IGFN1: variants seen among roughly 807,000 people sequenced by gnomAD.
The protein encoded by IGFN1 is immunoglobulin-like and fibronectin type III domain-containing protein 1.
IGFN1 carries 253 observed loss-of-function variants against 289.5 expected under a neutral mutation model. That is an observed-to-expected ratio of 0.87 (90% CI 0.79 to 0.97). The LOEUF (loss-of-function observed/expected upper bound fraction) is 0.97, where lower values mean the gene tolerates loss of function less well. IGFN1 is among the 50% of genes least tolerant of loss of function. IGFN1 has a pLI of 0.00. For missense variants in IGFN1, 4,470 were observed against 4,686.1 expected (o/e 0.95, Z 1.35); for synonymous variants, 1,706 against 1,788.5 (o/e 0.95, Z 1.16).
In IGFN1 at chr1:201,215,583, C is replaced by T. The variant is rs1428213976; in HGVS notation, c.9040C>T (p.Pro3014Ser). The change falls in exon 15 of 24, where the codon CCA (proline) becomes TCA (serine). Residue 3014 changes from proline (P) to serine (S), a missense_variant. Coordinates refer to ENST00000335211, the MANE Select transcript of IGFN1 (RefSeq NM_001164586.2). ...AGATGTGACAGAGAAACTGAGAGAGCCACTGGTGGTCAAGGCTGGGAAGCC... is the reference window on the plus strand; with the variant it reads ...AGATGTGACAGAGAAACTGAGAGAGTCACTGGTGGTCAAGGCTGGGAAGCC... ...APDVTEKLREPLVVKAGKPVI... is the reference protein window; with the variant it reads ...APDVTEKLRESLVVKAGKPVI... 37 of 1,607,802 alleles carry T rather than the reference C, an allele frequency of 2.3e-5. No homozygotes were observed. Among genetic ancestry groups the T allele is most frequent in the Non-Finnish European group, 3.1e-5 (37 of 1,177,244 alleles).
In IGFN1 at chr1:201,207,238, G is replaced by C. The variant is rs1281507484; in HGVS notation, c.2345G>C (p.Arg782Thr). 6.5e-7 allele frequency: 1 copy of C among 1,536,850 alleles called. No individual in the cohort carries two copies. The highest frequency in any genetic ancestry group is 8.7e-7 in the Non-Finnish European group (1 of 1,146,886). The stretch of plus-strand genomic sequence containing the variant: ...GGCCCTGGAGGCCCAGGAGACCCCA[G>C]AGGCTGCGAAGGTGTCCTACAGGAG... The part of the protein sequence containing the change: ...KTGPGGPGDP[R>T]GCEGVLQELR... The change falls in exon 12 of 24, where the codon AGA (arginine) becomes ACA (threonine). Residue 782 changes from arginine (R) to threonine (T), a missense_variant. This residue lies in a region of IGFN1 where 2,011 missense variants were observed against 1,953.4 expected (regional missense o/e 1.03). Transcript: ENST00000335211.
chr1:201,226,136 T>C lies in IGFN1; in HGVS notation c.10786+13T>C. On this transcript the variant is annotated intron_variant, in intron 22 of 23. Transcript: ENST00000335211. Reference sequence around the variant, plus strand: ...CCCCGGCAGCGCGGTAAGCAGCCCCTGAGAGGGAGGAGCAGGCAGGGTGGG... The same window carrying C: ...CCCCGGCAGCGCGGTAAGCAGCCCCCGAGAGGGAGGAGCAGGCAGGGTGGG... 1.3e-6 allele frequency: 2 copies of C among 1,567,954 alleles called. No homozygotes were observed. The highest frequency in any genetic ancestry group is 1.7e-6 in the Non-Finnish European group (2 of 1,156,226).
chr1:201,200,364 C>G lies in IGFN1; in HGVS notation c.586C>G (p.Arg196Gly). 1.3e-6 allele frequency: 2 copies of G among 1,551,764 alleles called. No homozygotes were observed. Among genetic ancestry groups the G allele is most frequent in the Non-Finnish European group, 1.7e-6 (2 of 1,147,006 alleles). The change falls in exon 8 of 24, where the codon CGC becomes GGC. Residue 196 changes from arginine to glycine, a missense_variant. By Grantham distance (125) the Arg-to-Gly change is moderately radical. Around this residue, in one of 8 missense-constraint regions of IGFN1, gnomAD observed 2,011 missense variants for 1,953.4 expected, o/e 1.03. Transcript: ENST00000335211. ...CATCGTCGACTACCGTGGCATGTTG[C>G]GCAGGCTGCAGGAGATGAAGAAGGA... ...YGIVDYRGML[R>G]RLQEMKKEQE... is the part of the protein sequence containing the mutation.
rs771595881 is a variant in IGFN1 at position 201,221,440 on chromosome 1, G to T, written c.9899-4G>T. ...ATTCCTGACTCTCCCATGGTGCCTGGCAGGACCCCCTGGGCTGGTGAGGAA... is the reference window on the plus strand; with the variant it reads ...ATTCCTGACTCTCCCATGGTGCCTGTCAGGACCCCCTGGGCTGGTGAGGAA... On this transcript the variant is annotated splice_polypyrimidine_tract_variant and splice_region_variant and intron_variant, in intron 18 of 23. Coordinates refer to ENST00000335211, the MANE Select transcript of IGFN1 (RefSeq NM_001164586.2). The T allele has an allele frequency of 1.9e-6, 3 of 1,561,444 alleles. No individual in the cohort carries two copies. In the East Asian group the frequency reaches 6.8e-5, roughly 36 times the overall value.
Position 201,206,705 on chromosome 1 carries a change from G to T in IGFN1, c.1812G>T (p.Gly604=). 2 of 1,536,944 alleles carry T rather than the reference G, an allele frequency of 1.3e-6. No individual in the cohort carries two copies. The highest frequency in any genetic ancestry group is 1.7e-6 in the Non-Finnish European group (2 of 1,146,916). Residue 604 remains glycine (G), a synonymous_variant, in exon 12 of 24, where the codon GGG becomes GGT. Coordinates refer to ENST00000335211, the MANE Select transcript of IGFN1 (RefSeq NM_001164586.2). ...EQLWDARLGP[G]RGKSDLQGCQ... ...TGTGGGATGCTCGACTGGGACCTGGGAGAGGAAAGAGCGACCTGCAGGGAT... is the reference window on the plus strand; with the variant it reads ...TGTGGGATGCTCGACTGGGACCTGGTAGAGGAAAGAGCGACCTGCAGGGAT...
chr1:201,211,332 G>T lies in IGFN1; in HGVS notation c.6439G>T (p.Gly2147Trp). ...VNEAGYRKDL[G>W]APKGMGSESK... ...TGAGGCAGGTTATAGGAAGGATTTG[G>T]GGGCTCCTAAGGGAATGGGTTCAGA... The change falls in exon 12 of 24, where the codon GGG (glycine) becomes TGG (tryptophan). Residue 2147 changes from glycine (G) to tryptophan (W), a missense_variant. Physicochemically the swap from Gly to Trp is radical, Grantham distance 184. Around this residue, in one of 8 missense-constraint regions of IGFN1, gnomAD observed 2,218 missense variants for 2,114.1 expected, o/e 1.05. Transcript: ENST00000335211. 1 of 1,501,538 alleles carries T rather than the reference G, an allele frequency of 6.7e-7. No homozygotes were observed. Among genetic ancestry groups the T allele is most frequent in the African/African-American group, 1.4e-5 (1 of 71,718 alleles). 93.0% of individuals were successfully genotyped at this position (1,501,538 alleles called of 1,614,324 possible).
Position 201,211,893 on chromosome 1 carries a change from T to A in IGFN1, c.7000T>A (p.Ser2334Thr), listed in dbSNP as rs954909522. 6.5e-7 allele frequency: 1 copy of A among 1,529,748 alleles called. No homozygotes were observed. Among genetic ancestry groups the A allele is most frequent in the Non-Finnish European group, 8.7e-7 (1 of 1,143,138 alleles). The allele number at this position is 1,529,748 out of a possible 1,614,324, so 94.8% of individuals were successfully genotyped here. A position where few individuals can be genotyped will look rare whatever the true frequency, so the allele number is the denominator to read the frequency against. Residue 2334 changes from serine to threonine, a missense_variant, in exon 12 of 24, where the codon TCA (serine) becomes ACA (threonine). Ser to Thr is a moderately conservative substitution (Grantham distance 58). This residue lies in a region of IGFN1 where 2,218 missense variants were observed against 2,114.1 expected (regional missense o/e 1.05). Transcript: ENST00000335211. ...QGFGGTSGMG[S>T]GSEVSYRGGS... Reference sequence around the variant, plus strand: ...CTTTGGGGGAACTAGTGGCATGGGGTCAGGGAGTGAGGTCAGTTATAGAGG... The same window carrying A: ...CTTTGGGGGAACTAGTGGCATGGGGACAGGGAGTGAGGTCAGTTATAGAGG...
Position 201,215,144 on chromosome 1 carries a change from G to C in IGFN1, c.8985G>C (p.Leu2995=). Residue 2995 remains leucine (L), a synonymous_variant, in exon 14 of 24, where the codon CTG becomes CTC. Transcript: ENST00000335211. Reference sequence around the variant, plus strand: ...GTGACCAGCAGAGCGAGGCCACCCTGACCGTCCAGGGTAAGGCCCAGCCCT... The same window carrying C: ...GTGACCAGCAGAGCGAGGCCACCCTCACCGTCCAGGGTAAGGCCCAGCCCT... The part of the protein sequence containing the change: ...VAGDQQSEAT[L]TVQDSPTIAP... The C allele has an allele frequency of 6.2e-7, 1 of 1,613,062 alleles. No individual in the cohort carries two copies. The highest frequency in any genetic ancestry group is 8.5e-7 in the Non-Finnish European group (1 of 1,179,896).
chr1:201,212,717 G>C lies in IGFN1; in HGVS notation c.7824G>C (p.Arg2608Ser). 3 of 1,550,906 alleles carry C rather than the reference G, an allele frequency of 1.9e-6. No homozygotes were observed. Among genetic ancestry groups the C allele is most frequent in the African/African-American group, 1.4e-5 (1 of 73,134 alleles). Residue 2608 changes from arginine to serine, a missense_variant, in exon 12 of 24, where the codon AGG (arginine) becomes AGC (serine). Arg to Ser is a moderately radical substitution (Grantham distance 110). This residue lies in a region of IGFN1 where 2,218 missense variants were observed against 2,114.1 expected (regional missense o/e 1.05). Transcript: ENST00000335211. ...DLDSGSMPGGRGKSTSGPADR... is the reference protein window; with the variant it reads ...DLDSGSMPGGSGKSTSGPADR... ...ACAGCGGCTCTATGCCTGGGGGAAG[G>C]GGCAAGTCAACATCAGGGCCTGCTG...
In IGFN1 at chr1:201,222,745, C is replaced by T. The variant is rs781495537; in HGVS notation, c.10208C>T (p.Pro3403Leu). ...LVQAMPVTVCPKFLVDSSTKD... is the reference protein window; with the variant it reads ...LVQAMPVTVCLKFLVDSSTKD... Reference sequence around the variant, plus strand: ...GTCCTCTTGTGCGTTTCAGTCTGTCCCAAGTTCCTCGTGGACTCCAGCACC... The same window carrying T: ...GTCCTCTTGTGCGTTTCAGTCTGTCTCAAGTTCCTCGTGGACTCCAGCACC... Residue 3403 changes from proline (P) to leucine (L), a missense_variant, in exon 20 of 24, where the codon CCC becomes CTC. By Grantham distance (98) the Pro-to-Leu change is moderately conservative (BLOSUM62 -3). Coordinates refer to ENST00000335211, the MANE Select transcript of IGFN1 (RefSeq NM_001164586.2). 2 of 1,612,492 alleles carry T rather than the reference C, an allele frequency of 1.2e-6. No homozygotes were observed. The highest frequency in any genetic ancestry group is 4.5e-5 in the East Asian group (2 of 44,832).
chr1:201,221,737 C>G lies in IGFN1; in HGVS notation c.10192C>G (p.Pro3398Ala), dbSNP rs1397764279. Reference sequence around the variant, plus strand: ...CCTGGACACATTAGTGCAAGCCATGCCTGTTACTGGTGAGTGCTGCCTCCT... The same window carrying G: ...CCTGGACACATTAGTGCAAGCCATGGCTGTTACTGGTGAGTGCTGCCTCCT... ...SALDTLVQAMPVTVCPKFLVD... is the reference protein window; with the variant it reads ...SALDTLVQAMAVTVCPKFLVD... The change falls in exon 19 of 24, where the codon CCT becomes GCT. Residue 3398 changes from proline (P) to alanine (A), a missense_variant. Physicochemically the swap from Pro to Ala is conservative, Grantham distance 27 (BLOSUM62 -1). Around this residue, in one of 8 missense-constraint regions of IGFN1, gnomAD observed 2,218 missense variants for 2,114.1 expected, o/e 1.05. Coordinates refer to ENST00000335211, the MANE Select transcript of IGFN1 (RefSeq NM_001164586.2). 4 of 1,587,446 alleles carry G rather than the reference C, an allele frequency of 2.5e-6. No individual in the cohort carries two copies. The highest frequency in any genetic ancestry group is 2.7e-5 in the African/African-American group (2 of 74,600).
At chr1:201,213,684 C>A in intron 12 of IGFN1, 63 bp downstream of exon 12, 1 of 1,380,156 alleles carries the variant, frequency 7.2e-7, no homozygotes, top group Middle Eastern at 1.8e-4. Context: ...TCCCTGGCCA[C>A]TGGGATGCTT....
chr1:201,224,914 G>A, intron 21 of IGFN1, 40 bp downstream of exon 21: 2 of 1,510,626 alleles, frequency 1.3e-6, no homozygotes, highest in Non-Finnish European at 1.8e-6. Flanking sequence ...CGCTGGCTCG[G>A]CCACTCACCA....
chr1:201,205,422 A>T, intron 11 of IGFN1, 68 bp downstream of exon 11: 2 of 1,424,382 alleles, frequency 1.4e-6, no homozygotes, highest in Non-Finnish European at 1.9e-6. Flanking sequence ...AGGCATGAGG[A>T]AGGCGAGGCA....
intron 17 of IGFN1, 136 bp downstream of exon 17, chr1:201,217,596 G>C (rs548280843): frequency 1.2e-6 from 1 of 867,586 alleles, no homozygotes; most frequent in African/African-American, 1.7e-5. Context: ...GATATTTTTC[G>C]TGGTCACAAT....
At position 201,200,348 on chromosome 1, in the gene IGFN1, C is replaced by A; in HGVS notation, c.570C>A (p.Asp190Glu). Residue 190 changes from aspartate (D) to glutamate (E), a missense_variant, in exon 8 of 24, where the codon GAC (aspartate) becomes GAA (glutamate). Asp to Glu is a conservative substitution (Grantham distance 45). Coordinates refer to ENST00000335211, the MANE Select transcript of IGFN1 (RefSeq NM_001164586.2). The stretch of plus-strand genomic sequence containing the variant: ...TCTGCTTGAAGTATGGCATCGTCGA[C>A]TACCGTGGCATGTTGCGCAGGCTGC... Reference protein sequence around the residue: ...EKICLKYGIVDYRGMLRRLQE... With the variant: ...EKICLKYGIVEYRGMLRRLQE... 6.4e-7 allele frequency: 1 copy of A among 1,551,794 alleles called. No homozygotes were observed. The highest frequency in any genetic ancestry group is 1.4e-5 in the African/African-American group (1 of 73,178).
chr1:201,199,091 G>T (rs2102322191), intron 5 of IGFN1, among the ~76,000 whole-genome samples: 1 of 152,264 alleles, frequency 6.6e-6, no homozygotes, highest in East Asian at 1.9e-4. Context: ...GGCCTCCCCT[G>T]CATGAGATGA....
chr1:201,212,948 A>T lies in IGFN1; in HGVS notation c.8055A>T (p.Gly2685=). 2 of 1,551,450 alleles carry T rather than the reference A, an allele frequency of 1.3e-6. No homozygotes were observed. Among genetic ancestry groups the T allele is most frequent in the Non-Finnish European group, 1.7e-6 (2 of 1,146,952 alleles). The change falls in exon 12 of 24, where the codon GGA becomes GGT. Residue 2685 remains glycine (G), a synonymous_variant. Coordinates refer to ENST00000335211, the MANE Select transcript of IGFN1 (RefSeq NM_001164586.2). ...EGAPGQEAAG[G]CRSPWSLDSK... ...CACCAGGCCAAGAGGCGGCTGGTGG[A>T]TGCCGAAGCCCATGGTCCCTGGATA... is the stretch of plus-strand genomic sequence containing the variant.
chr1:201,209,205 A>G lies in IGFN1; in HGVS notation c.4312A>G (p.Ser1438Gly), dbSNP rs1401067380. 1 of 1,496,848 alleles carries G rather than the reference A, an allele frequency of 6.7e-7. No individual in the cohort carries two copies. The highest frequency in any genetic ancestry group is 1.4e-5 in the African/African-American group (1 of 71,408). The allele number at this position is 1,496,848 out of a possible 1,614,324, so 92.7% of individuals were successfully genotyped here. The change falls in exon 12 of 24, where the codon AGC becomes GGC. Residue 1438 changes from serine (S) to glycine (G), a missense_variant. Physicochemically the swap from Ser to Gly is moderately conservative, Grantham distance 56. This residue lies in a region of IGFN1 where 2,011 missense variants were observed against 1,953.4 expected (regional missense o/e 1.03). Transcript: ENST00000335211. Reference protein sequence around the residue: ...LGAPEGMGTGSKAGYRDGLRG... With the variant: ...LGAPEGMGTGGKAGYRDGLRG... ...GGCTCCTGAGGGAATGGGCACAGGGAGCAAGGCAGGTTATAGGGATGGCTT... is the reference window on the plus strand; with the variant it reads ...GGCTCCTGAGGGAATGGGCACAGGGGGCAAGGCAGGTTATAGGGATGGCTT...
Sources: gnomAD v4.1 joint callset for allele counts (sites outside exome capture counted in the v4.1 genomes callset) on GRCh38, gnomAD v4.1.1 for gene constraint, gnomAD v4.1.1 regional missense constraint, MANE v1.5 for transcripts, NCBI Gene and HGNC (gene_info 2026-07-23, HGNC 2026-07-21) for gene names.